Variants in MAP4K1 observed in about 807,000 individuals in gnomAD.
MAP4K1 encodes MAPK/ERK kinase kinase kinase 1.
A neutral mutation model predicts 122.8 loss-of-function variants in MAP4K1; 35 were observed. That is an observed-to-expected ratio of 0.29 (90% CI 0.22 to 0.38). The LOEUF (loss-of-function observed/expected upper bound fraction) is 0.38, where lower values mean the gene tolerates loss of function less well. Among genes scored for constraint, MAP4K1 ranks in the 10% least tolerant of loss-of-function variants. The probability of loss-of-function intolerance (pLI) is 1.00; values close to 1 mark genes in which losing one functional copy is unlikely to be tolerated. For synonymous variants in MAP4K1, 412 were observed against 421.3 expected (o/e 0.98, Z 0.27); for missense variants, 791 against 1,072.6 (o/e 0.74, Z 3.67).
In MAP4K1 at chr19:38,587,822, G is replaced by A. The variant is rs1410229075; in HGVS notation, c.2397-5C>T. ...CGTGTCTCCACCACTACAGGCCTGT[G>A]GAAGGAAGAGATAAGTCAGTTCATT... On this transcript the variant is annotated splice_region_variant and splice_polypyrimidine_tract_variant and intron_variant, in intron 30 of 30. Coordinates refer to ENST00000396857, the MANE Select transcript of MAP4K1 (RefSeq NM_001042600.3). The A allele has an allele frequency of 2.5e-6, 4 of 1,610,236 alleles. No homozygotes were observed. Among genetic ancestry groups the A allele is most frequent in the South Asian group, 2.2e-5 (2 of 90,982 alleles).
chr19:38,598,810 G>A (rs925291507), intron 22 of MAP4K1, among the ~76,000 whole-genome samples: 3 of 151,544 alleles, frequency 2.0e-5, no homozygotes, highest in South Asian at 2.1e-4. Context: ...TCAGGAGTTC[G>A]AGACCAGCCT....
At chr19:38,595,882 G>A (rs1233594569) in intron 27 of MAP4K1, 57 bp downstream of exon 27, 2 of 1,586,292 alleles carry the variant, frequency 1.3e-6, no homozygotes, top group Non-Finnish European at 8.7e-7. Flanking sequence ...CGGAGGCAGA[G>A]ATCTAGGGAC....
At chr19:38,600,462 C>T (rs1975027135) in intron 20 of MAP4K1, among the ~76,000 whole-genome samples, 1 of 152,042 alleles carries the variant, frequency 6.6e-6, no homozygotes, top group African/African-American at 2.4e-5. Flanking sequence ...GATTTCCTCC[C>T]CTCTTTCTCC....
At chr19:38,614,736 C>T (rs1393975683) in intron 4 of MAP4K1, 5 of 447,036 alleles carry the variant, frequency 1.1e-5, no homozygotes, top group Non-Finnish European at 2.1e-5. Flanking sequence ...GCCTGGCCAA[C>T]ATGGTGAAAC....
At position 38,603,241 on chromosome 19, in the gene MAP4K1, T is replaced by C. The variant is rs546778722; in HGVS notation, c.1447-1716A>G. On this transcript the variant is annotated intron_variant, in intron 19 of 30. Coordinates refer to ENST00000396857, the MANE Select transcript of MAP4K1 (RefSeq NM_001042600.3). ...ACACATATACATATACACATATATATACACATGTACATATATACGCATATA... is the reference window on the plus strand; with the variant it reads ...ACACATATACATATACACATATATACACACATGTACATATATACGCATATA... Among the ~76,000 whole-genome samples, 5 of 148,636 alleles carry C rather than the reference T, an allele frequency of 3.4e-5. No individual in the cohort carries two copies. In the South Asian group the frequency reaches 6.4e-4, roughly 19 times the overall value.
intron 26 of MAP4K1, 133 bp downstream of exon 26, chr19:38,596,179 G>T: frequency 7.5e-7 from 1 of 1,337,592 alleles, no homozygotes; most frequent in Non-Finnish European, 1.0e-6. Flanking sequence ...ACTAAAACCT[G>T]CCATTCTCCC....
At chr19:38,596,060 C>T in intron 26 of MAP4K1, 59 bp from the exon 27 acceptor site, 4 of 1,535,388 alleles carry the variant, frequency 2.6e-6, no homozygotes, top group Non-Finnish European at 3.6e-6. Context: ...CCCCACACCA[C>T]CCCCAGAAGG....
rs1394366592 is a variant in MAP4K1 at position 38,593,337 on chromosome 19, G to A, written c.2341C>T (p.Leu781=). 1.2e-5 allele frequency: 19 copies of A among 1,608,594 alleles called. No homozygotes were observed. The South Asian group carries it at 2.0e-4, about 17-fold the overall frequency. ...GTAGGGTCTCTCAGCTCCTGTAGCA[G>A]CTAGGGAAAAAAAGTGTGTGTCTCA... ...VQVWALGSDQ[L]LQELRDPTLT... is the part of the protein sequence containing the mutation. Residue 781 remains leucine (L), a splice_region_variant and synonymous_variant, in exon 30 of 31, where the codon CTG becomes TTG. Coordinates refer to ENST00000396857, the MANE Select transcript of MAP4K1 (RefSeq NM_001042600.3).
At chr19:38,611,393 A>G in intron 9 of MAP4K1, 88 bp from the exon 10 acceptor site, 1 of 860,926 alleles carries the variant, frequency 1.2e-6, no homozygotes, top group Non-Finnish European at 2.0e-6. Context: ...CATTGTGGTC[A>G]GCAGAGGGCA....
In MAP4K1 at chr19:38,616,367, G is replaced by GT. The variant is rs3214445; in HGVS notation, c.249-109dup. On this transcript the variant is annotated intron_variant, in intron 3 of 30. Coordinates refer to ENST00000396857, the MANE Select transcript of MAP4K1 (RefSeq NM_001042600.3). ...GTTCTAGTTCAATAAGAACTTTAAC[G>GT]TAACAGCTCTCATCACTCCACCTCT... 28 of 736,586 alleles carry GT rather than the reference G, an allele frequency of 3.8e-5. No individual in the cohort carries two copies. The East Asian group carries it at 8.1e-4, about 21-fold the overall frequency. 45.6% of individuals were successfully genotyped at this position (736,586 alleles called of 1,614,324 possible).
At chr19:38,603,999 A>AG (rs1380930316) in intron 19 of MAP4K1, among the ~76,000 whole-genome samples, 12 of 151,134 alleles carry the variant, frequency 7.9e-5, no homozygotes, top group Admixed American at 7.9e-4. Flanking sequence ...AAAAAAAAAA[A>AG]AATTAGCCAA....
intron 19 of MAP4K1, among the ~76,000 whole-genome samples, chr19:38,602,471 CATATATACACACATAT>C (rs1975098538): frequency 1.3e-5 from 2 of 150,072 alleles, no homozygotes; most frequent in South Asian, 2.1e-4. Context: ...CACACATATA[CATATATACACACATAT>C]ACATATATAC....
rs1433448151 is a variant in MAP4K1, at chr19:38,597,507, C to T, written c.1757G>A (p.Ser586Asn). Residue 586 changes from serine (S) to asparagine (N), a missense_variant, in exon 23 of 31, where the codon AGC becomes AAC. This residue lies in a region of MAP4K1 where 267 missense variants were observed against 323.0 expected (regional missense o/e 0.83). Transcript: ENST00000396857. This position sits in a 1 kb window ranked among gnomAD's most constrained non-coding sequence, Gnocchi z 4.6. Reference sequence around the variant, plus strand: ...GTACCTTGCCAGTAGGCGGTGGGGGCTAATGTGAGCGATGGGGTTTCCTGC... The same window carrying T: ...GTACCTTGCCAGTAGGCGGTGGGGGTTAATGTGAGCGATGGGGTTTCCTGC... ...TRAGNPIAHI[S>N]PHRLLARKNM... is the part of the protein sequence containing the mutation. 6.2e-7 allele frequency: 1 copy of T among 1,614,010 alleles called. No homozygotes were observed. Among genetic ancestry groups the T allele is most frequent in the South Asian group, 1.1e-5 (1 of 91,058 alleles).
chr19:38,612,786 A>C, intron 8 of MAP4K1, 44 bp from the exon 9 acceptor site: 1 of 1,602,314 alleles, frequency 6.2e-7, no homozygotes, highest in Non-Finnish European at 8.5e-7. Flanking sequence ...GCATGGGGAC[A>C]GGAAGGGAAG....
chr19:38,613,301 C>G (rs1032632881), intron 8 of MAP4K1, among the ~76,000 whole-genome samples: 1 of 142,864 alleles, frequency 7.0e-6, no homozygotes, highest in Admixed American at 7.1e-5. Context: ...AGCAAAACTC[C>G]GTCTCAAGAA....
Position 38,617,308 on chromosome 19 carries a change from G to C in MAP4K1, c.248+46C>G, listed in dbSNP as rs755773488. The C allele has an allele frequency of 3.0e-6, 4 of 1,353,362 alleles. No individual in the cohort carries two copies. In the African/African-American group the frequency reaches 5.7e-5, roughly 19 times the overall value. The allele number at this position is 1,353,362 out of a possible 1,614,324, so 83.8% of individuals were successfully genotyped here. Reference sequence around the variant, plus strand: ...CCCCCATCAAGAAATGGGGACTCCGGGTTAGGGGCTGGGCTGGGTGCCAGG... The same window carrying C: ...CCCCCATCAAGAAATGGGGACTCCGCGTTAGGGGCTGGGCTGGGTGCCAGG... On this transcript the variant is annotated intron_variant, in intron 3 of 30. Transcript: ENST00000396857. The surrounding 1 kb of genome is among the most constrained non-coding windows in gnomAD (Gnocchi z 4.1).
intron 19 of MAP4K1, among the ~76,000 whole-genome samples, chr19:38,604,910 A>T (rs1385684212): frequency 6.6e-6 from 1 of 151,686 alleles, no homozygotes; most frequent in Non-Finnish European, 1.5e-5. Flanking sequence ...AACATGGTGA[A>T]ACCCCACCTC....
intron 19 of MAP4K1, among the ~76,000 whole-genome samples, chr19:38,603,373 CAT>C (rs1384044671): frequency 1.3e-5 from 2 of 150,568 alleles, no homozygotes; most frequent in South Asian, 2.1e-4. Flanking sequence ...CACACATATA[CAT>C]ATATACACAT....
At chr19:38,604,457 T>C (rs1277139588) in intron 19 of MAP4K1, among the ~76,000 whole-genome samples, 2 of 152,094 alleles carry the variant, frequency 1.3e-5, no homozygotes, top group East Asian at 3.9e-4. Context: ...CCCAAGTAGC[T>C]GGGACCATAG....
Sources: gnomAD v4.1 joint callset for allele counts (sites outside exome capture counted in the v4.1 genomes callset) on GRCh38, gnomAD v4.1.1 for gene constraint, gnomAD v4.1.1 regional missense constraint, Gnocchi (gnomAD v3.1) non-coding constraint, MANE v1.5 for transcripts, NCBI Gene and HGNC (gene_info 2026-07-23, HGNC 2026-07-21) for gene names.